The following SNX8 variants were observed in gnomAD, a reference collection of about 807,000 sequenced individuals.
SNX8 encodes sorting nexin-8.
In SNX8, 25 loss-of-function variants were observed where a neutral mutation model predicts 51.6. The observed-to-expected ratio is 0.48, with a 90% CI of 0.35 to 0.68. The LOEUF (loss-of-function observed/expected upper bound fraction) is 0.68, where lower values mean the gene tolerates loss of function less well. SNX8 is among the 30% of genes least tolerant of loss of function. The pLI, the probability that SNX8 is intolerant of heterozygous loss-of-function variation, is 0.00. For synonymous variants in SNX8, 324 were observed against 277.0 expected (o/e 1.17, Z -1.68); for missense variants, 695 against 624.0 (o/e 1.11, Z -1.21).
At chr7:2,294,281 A>G (rs958044061) in intron 1 of SNX8, among the ~76,000 whole-genome samples, 7 of 151,718 alleles carry the variant, frequency 4.6e-5, no homozygotes, top group Non-Finnish European at 7.4e-5. Context: ...ATAAATAAAT[A>G]AGAAAAAAAA....
At chr7:2,303,105 TG>T (rs1207465676) in intron 1 of SNX8, among the ~76,000 whole-genome samples, 7 of 118,906 alleles carry the variant, frequency 5.9e-5, no homozygotes, top group African/African-American at 2.0e-4. Context: ...GGGAGGGAGG[TG>T]GGGGGGTCAG....
At chr7:2,330,181 A>G (rs1018371459) in intron 1 of SNX8, among the ~76,000 whole-genome samples, 1 of 130,210 alleles carries the variant, frequency 7.7e-6, no homozygotes, top group African/African-American at 3.0e-5. Context: ...TCTCTTGCCC[A>G]GGCTGGAGTG....
chr7:2,258,138 G>A (rs1224884205), intron 7 of SNX8, among the ~76,000 whole-genome samples: 1 of 151,860 alleles, frequency 6.6e-6, no homozygotes, highest in East Asian at 1.9e-4. Flanking sequence ...AGCCTCCCGA[G>A]TAGCTGGGAC....
At position 2,275,108 on chromosome 7, in the gene SNX8, T is replaced by C; in HGVS notation, c.418+4A>G. The C allele has an allele frequency of 1.2e-6, 2 of 1,604,666 alleles. No individual in the cohort carries two copies. Among genetic ancestry groups the C allele is most frequent in the Non-Finnish European group, 1.7e-6 (2 of 1,171,434 alleles). On this transcript the variant is annotated splice_donor_region_variant and intron_variant, in intron 3 of 10. Transcript: ENST00000222990. ...CCCCCGGTGGGCAGCACGCCTGGCT[T>C]TACCTCCCAGCATTCTCTTGGGTGG... is the stretch of plus-strand genomic sequence containing the variant.
At chr7:2,272,893 G>A (rs772977577) in intron 3 of SNX8, among the ~76,000 whole-genome samples, 1 of 151,898 alleles carries the variant, frequency 6.6e-6, no homozygotes, top group Non-Finnish European at 1.5e-5. Flanking sequence ...GAGTGCAGTG[G>A]TGTCATCTCG....
At chr7:2,313,329 C>A (rs1423148877) in intron 1 of SNX8, among the ~76,000 whole-genome samples, 1 of 151,498 alleles carries the variant, frequency 6.6e-6, no homozygotes, top group Admixed American at 6.6e-5. Context: ...AGTTCGAGAC[C>A]AGCCTGGCCA....
At chr7:2,339,325 C>G (rs533547279) in intron 1 of SNX8, among the ~76,000 whole-genome samples, 1 of 152,248 alleles carries the variant, frequency 6.6e-6, no homozygotes, top group South Asian at 2.1e-4. Flanking sequence ...CCTGCCTCAG[C>G]CTCCCGAGTA....
At chr7:2,293,032 G>A (rs942007875) in intron 1 of SNX8, among the ~76,000 whole-genome samples, 1 of 151,362 alleles carries the variant, frequency 6.6e-6, no homozygotes, top group African/African-American at 2.4e-5. Context: ...AAAATAATAA[G>A]TAAATACATA....
chr7:2,267,181 T>C (rs1244221884), intron 5 of SNX8, among the ~76,000 whole-genome samples: 1 of 152,224 alleles, frequency 6.6e-6, no homozygotes, highest in African/African-American at 2.4e-5. Flanking sequence ...GAGGAAACCA[T>C]GCGACAGATG....
chr7:2,353,872 A>G (rs1779230546), intron 1 of SNX8, among the ~76,000 whole-genome samples: 1 of 152,150 alleles, frequency 6.6e-6, no homozygotes, highest in Non-Finnish European at 1.5e-5. Flanking sequence ...AGCCTCCCAA[A>G]GTGCTGGGAT....
chr7:2,271,187 G>A (rs1343258083), intron 4 of SNX8, among the ~76,000 whole-genome samples: 3 of 152,368 alleles, frequency 2.0e-5, no homozygotes. Flanking sequence ...GGGATTACAG[G>A]TGTGCACCAC....
chr7:2,327,172 G>A (rs942054699), intron 1 of SNX8, among the ~76,000 whole-genome samples: 1 of 152,008 alleles, frequency 6.6e-6, no homozygotes, highest in South Asian at 2.1e-4. Context: ...CTCAGTCTCT[G>A]CCTCTGTCAT....
Position 2,267,993 on chromosome 7 carries a change from GCCC to G in SNX8, c.621+1563_621+1565del, listed in dbSNP as rs1795516940. Among the ~76,000 whole-genome samples the G allele has an allele frequency of 2.7e-5, 4 of 148,494 alleles. No homozygotes were observed. The South Asian group carries it at 8.6e-4, about 32-fold the overall frequency. Reference sequence around the variant, plus strand: ...CATCTGGGATGTGAGGAGCGCCTCTGCCCGGCCGAGACCCCGTCTGGGAGGTGA... The same window carrying G: ...CATCTGGGATGTGAGGAGCGCCTCTGGGCCGAGACCCCGTCTGGGAGGTGA... On this transcript the variant is annotated intron_variant, in intron 5 of 10. Transcript: ENST00000222990.
At chr7:2,350,477 C>T (rs1376586385) in intron 1 of SNX8, among the ~76,000 whole-genome samples, 1 of 152,124 alleles carries the variant, frequency 6.6e-6, no homozygotes, top group African/African-American at 2.4e-5. Flanking sequence ...AATGAAGTCA[C>T]GTTTCTTTAG....
chr7:2,257,926 G>T, intron 7 of SNX8, 123 bp from the exon 8 acceptor site: 1 of 899,920 alleles, frequency 1.1e-6, no homozygotes, highest in South Asian at 1.5e-5. Context: ...GGCTCCCCAG[G>T]ACCACCAGCC....
chr7:2,273,353 G>A (rs1232772696), intron 3 of SNX8, among the ~76,000 whole-genome samples: 1 of 151,710 alleles, frequency 6.6e-6, no homozygotes, highest in Admixed American at 6.6e-5. Flanking sequence ...GGGAGGCTGA[G>A]GCAGGTGGAT....
At chr7:2,284,396 C>CTTTTTTTTT (rs751803296) in intron 1 of SNX8, among the ~76,000 whole-genome samples, 3 of 88,906 alleles carry the variant, frequency 3.4e-5, no homozygotes, top group African/African-American at 4.4e-5. Context: ...CTTTTATTTC[C>CTTTTTTTTT]TTTTTTTTTT....
At chr7:2,268,455 G>A (rs1365987438) in intron 5 of SNX8, among the ~76,000 whole-genome samples, 1 of 145,698 alleles carries the variant, frequency 6.9e-6, no homozygotes, top group African/African-American at 2.5e-5. Context: ...GAGGTGGGGG[G>A]GGTCAGCCCC....
At chr7:2,304,739 T>C (rs1255630030) in intron 1 of SNX8, among the ~76,000 whole-genome samples, 2 of 152,122 alleles carry the variant, frequency 1.3e-5, no homozygotes, top group Admixed American at 1.3e-4. Context: ...GCACATGCCG[T>C]CCTGAGATAA....
Sources: allele counts gnomAD v4.1 joint callset (sites outside exome capture counted in the v4.1 genomes callset), GRCh38; gene constraint gnomAD v4.1.1; transcripts MANE v1.5; gene names NCBI Gene and HGNC (gene_info 2026-07-23, HGNC 2026-07-21).